The following KCNB2 variants were observed in gnomAD, a reference collection of about 807,000 sequenced individuals.
KCNB2 encodes the protein potassium voltage-gated channel subfamily B member 2.
KCNB2 carries 15 observed loss-of-function variants against 61.5 expected under a neutral mutation model. That is an observed-to-expected ratio of 0.24 (90% CI 0.16 to 0.38). KCNB2 has a LOEUF of 0.38. Among genes scored for constraint, KCNB2 ranks in the 10% least tolerant of loss-of-function variants. The pLI is 1.00. For missense variants in KCNB2, 828 were observed against 1,125.2 expected, an observed-to-expected ratio of 0.74 and a Z score of 3.78; for synonymous variants, 457 against 446.0, an observed-to-expected ratio of 1.02 and a Z score of -0.31.
At chr8:72,863,933 G>C (rs1805463671) in intron 2 of KCNB2, among the ~76,000 whole-genome samples, 1 of 152,176 alleles carries the variant, frequency 6.6e-6, no homozygotes. Context: ...GAGCCCAGGA[G>C]GCAGAGGTTG....
At chr8:72,911,416 C>A (rs1400672003) in intron 2 of KCNB2, among the ~76,000 whole-genome samples, 1 of 152,236 alleles carries the variant, frequency 6.6e-6, no homozygotes, top group Non-Finnish European at 1.5e-5. Flanking sequence ...CTCCTATACA[C>A]ACATGCACAT....
Position 72,537,846 on chromosome 8 carries a change from G to C in KCNB2, c.-133G>C, listed in dbSNP as rs1159299344. ...AATCCCACAGCCCTTTGTGGTGCCC[G>C]AGCCCGTGCCGCCTGCTGAGCGGGG... On this transcript the variant is annotated 5_prime_UTR_variant, in exon 1 of 3. Transcript: ENST00000523207. 2.6e-5 allele frequency: 4 copies of C among 152,278 alleles called. No individual in the cohort carries two copies. The highest frequency in any genetic ancestry group is 5.9e-5 in the Non-Finnish European group (4 of 68,164). 9.4% of individuals were successfully genotyped at this position (152,278 alleles called of 1,614,324 possible). A position where few individuals can be genotyped will look rare whatever the true frequency, so the allele number is the denominator to read the frequency against.
intron 2 of KCNB2, among the ~76,000 whole-genome samples, chr8:72,766,390 G>T (rs970763915): frequency 2.6e-5 from 4 of 152,192 alleles, no homozygotes; most frequent in African/African-American, 9.7e-5. Flanking sequence ...AAGAGAATTT[G>T]TGGTCCACCA....
chr8:72,676,344 T>C (rs2128988618), intron 2 of KCNB2, among the ~76,000 whole-genome samples: 1 of 152,182 alleles, frequency 6.6e-6, no homozygotes, highest in Admixed American at 6.6e-5. Context: ...TTCTGGGTTG[T>C]TAAAATCCAC....
chr8:72,800,528 A>T (rs1809107872), intron 2 of KCNB2, among the ~76,000 whole-genome samples: 1 of 152,136 alleles, frequency 6.6e-6, no homozygotes, highest in Non-Finnish European at 1.5e-5. Flanking sequence ...AGAATCCCCA[A>T]TGAGGCCAAT....
At chr8:72,820,139 G>A (rs1809471870) in intron 2 of KCNB2, among the ~76,000 whole-genome samples, 2 of 152,048 alleles carry the variant, frequency 1.3e-5, no homozygotes, top group African/African-American at 4.8e-5. Flanking sequence ...CATCCCCTTT[G>A]AGCAGCACCA....
intron 2 of KCNB2, among the ~76,000 whole-genome samples, chr8:72,915,659 C>G (rs928936850): frequency 6.6e-6 from 1 of 152,126 alleles, no homozygotes; most frequent in Non-Finnish European, 1.5e-5. Flanking sequence ...GTGGCTCATA[C>G]CTGTAATCCC....
intron 2 of KCNB2, among the ~76,000 whole-genome samples, chr8:72,801,051 G>C (rs867442909): frequency 1.3e-5 from 2 of 152,260 alleles, no homozygotes; most frequent in East Asian, 3.9e-4. Context: ...AAGAAAAATT[G>C]ACACTGAGAT....
chr8:72,749,954 T>C (rs1343240693), intron 2 of KCNB2, among the ~76,000 whole-genome samples: 1 of 150,630 alleles, frequency 6.6e-6, no homozygotes, highest in East Asian at 1.9e-4. Flanking sequence ...ATTAGTAATA[T>C]CTATGTGCCC....
chr8:72,859,687 A>G (rs1319939099), intron 2 of KCNB2, among the ~76,000 whole-genome samples: 1 of 138,444 alleles, frequency 7.2e-6, no homozygotes, highest in African/African-American at 2.7e-5. Flanking sequence ...ACATTGTAGC[A>G]TGGATCAGTA....
At chr8:72,901,064 C>G (rs1223011455) in intron 2 of KCNB2, among the ~76,000 whole-genome samples, 1 of 152,122 alleles carries the variant, frequency 6.6e-6, no homozygotes, top group Admixed American at 6.6e-5. Context: ...TTCACAATAG[C>G]AAAGACGTGG....
intron 1 of KCNB2, among the ~76,000 whole-genome samples, chr8:72,556,168 G>C (rs772222924): frequency 3.3e-5 from 5 of 151,982 alleles, no homozygotes; most frequent in Non-Finnish European, 7.4e-5. Context: ...AAATGTTGAT[G>C]GAAATCGATA....
intron 2 of KCNB2, among the ~76,000 whole-genome samples, chr8:72,700,180 C>A (rs956072746): frequency 6.6e-6 from 1 of 151,972 alleles, no homozygotes; most frequent in Non-Finnish European, 1.5e-5. Context: ...GAACATCACA[C>A]ACCAGGTTCT....
intron 2 of KCNB2, among the ~76,000 whole-genome samples, chr8:72,662,819 A>C (rs540555386): frequency 6.6e-5 from 10 of 152,318 alleles, no homozygotes; most frequent in African/African-American, 2.4e-4. Context: ...AAAACGAAAG[A>C]GGAAGTAAGT....
rs1554587091 is a variant in KCNB2 at position 72,725,603 on chromosome 8, A to ATATATATG, written c.579+157297_579+157298insGTATATAT. ...TATATATATGTATGTATATATATAT[A>ATATATATG]TATATATATATATATATATGCATTC... is the stretch of plus-strand genomic sequence containing the variant. On this transcript the variant is annotated intron_variant, in intron 2 of 2. Coordinates refer to ENST00000523207, the MANE Select transcript of KCNB2 (RefSeq NM_004770.3). Among the ~76,000 whole-genome samples the ATATATATG allele has an allele frequency of 9.4e-3, 1,024 of 108,586 alleles. 19 individuals are homozygous for ATATATATG. The highest frequency in any genetic ancestry group is 0.013 in the Non-Finnish European group (741 of 56,458). 71.2% of individuals were successfully genotyped at this position (108,586 alleles called of 152,430 possible). A position where few individuals can be genotyped will look rare whatever the true frequency, so the allele number is the denominator to read the frequency against.
At chr8:72,573,885 GTGGTTTAC>G (rs200116013) in intron 2 of KCNB2, among the ~76,000 whole-genome samples, 2,008 of 152,300 alleles carry the variant, frequency 0.013, 36 homozygotes, top group African/African-American at 0.045. Flanking sequence ...TTCTGTATTG[GTGGTTTAC>G]CATTTTCCTT....
intron 2 of KCNB2, among the ~76,000 whole-genome samples, chr8:72,711,057 G>A (rs1403424511): frequency 6.6e-6 from 1 of 152,244 alleles, no homozygotes. Flanking sequence ...GCTGAGCAGA[G>A]GGGCTCTTCT....
intron 2 of KCNB2, among the ~76,000 whole-genome samples, chr8:72,675,369 G>A (rs1427448167): frequency 6.6e-6 from 1 of 151,934 alleles, no homozygotes; most frequent in Non-Finnish European, 1.5e-5. Flanking sequence ...CCAGGGTATG[G>A]ACTATCTGAC....
At chr8:72,714,745 G>A (rs1046993918) in intron 2 of KCNB2, among the ~76,000 whole-genome samples, 6 of 152,140 alleles carry the variant, frequency 3.9e-5, no homozygotes, top group Admixed American at 6.6e-5. Context: ...GGAAGAAACT[G>A]CATCAACTAA....
Sources: allele counts gnomAD v4.1 joint callset (sites outside exome capture counted in the v4.1 genomes callset), GRCh38; gene constraint gnomAD v4.1.1; transcripts MANE v1.5; gene names NCBI Gene and HGNC (gene_info 2026-07-23, HGNC 2026-07-21).